Variants in TFAP2D observed in about 807,000 individuals in gnomAD.
TFAP2D encodes transcription factor AP-2 delta.
TFAP2D carries 9 observed loss-of-function variants against 43.6 expected under a neutral mutation model. The observed-to-expected ratio is 0.21, with a 90% CI of 0.12 to 0.36. The LOEUF is 0.36. Among genes scored for constraint, TFAP2D ranks in the 10% least tolerant of loss-of-function variants. The probability of loss-of-function intolerance (pLI) is 1.00; values close to 1 mark genes in which losing one functional copy is unlikely to be tolerated. For synonymous variants in TFAP2D, 256 were observed against 224.9 expected (o/e 1.14, Z -1.24); for missense variants, 513 against 561.4 (o/e 0.91, Z 0.87).
At chr6:50,757,369 T>G (rs1446689768) in intron 7 of TFAP2D, among the ~76,000 whole-genome samples, 3 of 136,558 alleles carry the variant, frequency 2.2e-5, no homozygotes, top group African/African-American at 5.4e-5. Context: ...ATTCTATATA[T>G]AGAATACATG....
chr6:50,768,200 G>A (rs1769470212), intron 7 of TFAP2D, among the ~76,000 whole-genome samples: 1 of 150,404 alleles, frequency 6.6e-6, no homozygotes, highest in South Asian at 2.1e-4. Context: ...TTACCTTGCA[G>A]GTGACCTTAG....
chr6:50,754,740 CT>C (rs1245360527), intron 7 of TFAP2D, among the ~76,000 whole-genome samples: 2 of 151,836 alleles, frequency 1.3e-5, no homozygotes, highest in African/African-American at 2.4e-5. Context: ...TGTTGAACAT[CT>C]TTTCATATGC....
intron 5 of TFAP2D, among the ~76,000 whole-genome samples, chr6:50,735,094 T>C (rs1003961016): frequency 6.6e-6 from 1 of 152,064 alleles, no homozygotes; most frequent in African/African-American, 2.4e-5. Flanking sequence ...GTTGCAAGGG[T>C]TAAATCAGAA....
At chr6:50,718,130 TTTC>T (rs911629538) in intron 2 of TFAP2D, 4 of 152,022 alleles carry the variant, frequency 2.6e-5, no homozygotes, top group African/African-American at 9.7e-5. Flanking sequence ...GTTTTTTTTT[TTTC>T]ATATTGATTT....
At chr6:50,715,871 G>T (rs1381621809) in intron 2 of TFAP2D, among the ~76,000 whole-genome samples, 1 of 152,098 alleles carries the variant, frequency 6.6e-6, no homozygotes. Flanking sequence ...GGAAGTGCGG[G>T]AGTCCGGGCG....
At position 50,713,952 on chromosome 6, in the gene TFAP2D, T is replaced by G. The variant is rs1768570447; in HGVS notation, c.-104T>G. The G allele has an allele frequency of 1.9e-6, 3 of 1,538,466 alleles. No individual in the cohort carries two copies. Among genetic ancestry groups the G allele is most frequent in the Non-Finnish European group, 2.7e-6 (3 of 1,116,106 alleles). On this transcript the variant is annotated 5_prime_UTR_variant, in exon 1 of 8. Transcript: ENST00000008391. The stretch of plus-strand genomic sequence containing the variant: ...TAGATATCTACCTATAGAACATTTT[T>G]TTTTTCCTTTAAAAATTGGAAAATA...
Position 50,729,231 on chromosome 6 carries a change from A to G in TFAP2D, c.802A>G (p.Lys268Glu). 6.2e-7 allele frequency: 1 copy of G among 1,614,014 alleles called. No individual in the cohort carries two copies. The highest frequency in any genetic ancestry group is 8.5e-7 in the Non-Finnish European group (1 of 1,179,878). ...SKNGGRCLRE[K>E]LDRLGLNLPA... is the part of the protein sequence containing the mutation. ...GAATGGGGGCCGCTGCCTGAGAGAG[A>G]AATTGGATAGGCTTGGCTTAAACTT... Residue 268 changes from lysine to glutamate, a missense_variant, in exon 5 of 8, where the codon AAA becomes GAA. By Grantham distance (56) the Lys-to-Glu change is moderately conservative. Coordinates refer to ENST00000008391, the MANE Select transcript of TFAP2D (RefSeq NM_172238.4).
chr6:50,738,130 A>G (rs1253428072), intron 5 of TFAP2D, among the ~76,000 whole-genome samples: 1 of 152,070 alleles, frequency 6.6e-6, no homozygotes, highest in African/African-American at 2.4e-5. Flanking sequence ...TGATTGACTA[A>G]AAAAACCCTC....
chr6:50,719,890 C>G (rs548358428), intron 3 of TFAP2D, among the ~76,000 whole-genome samples: 11 of 152,192 alleles, frequency 7.2e-5, no homozygotes, highest in African/African-American at 2.6e-4. Flanking sequence ...GCTTTCAGCT[C>G]GGGCACTAAA....
chr6:50,760,280 T>C (rs113560661), intron 7 of TFAP2D, among the ~76,000 whole-genome samples: 40 of 152,150 alleles, frequency 2.6e-4, no homozygotes, highest in Middle Eastern at 3.4e-3. Flanking sequence ...ACATAATAGT[T>C]AGGCATTATT....
intron 3 of TFAP2D, among the ~76,000 whole-genome samples, chr6:50,720,487 AC>A (rs1768702202): frequency 2.9e-3 from 3 of 1,030 alleles, no homozygotes; most frequent in African/African-American, 5.8e-3. Flanking sequence ...GGAGATTAAA[AC>A]ACACACACAC....
chr6:50,741,483 T>C (rs890563587), intron 5 of TFAP2D, among the ~76,000 whole-genome samples: 3 of 152,246 alleles, frequency 2.0e-5, no homozygotes, highest in African/African-American at 7.2e-5. Flanking sequence ...CTCCTTTCTA[T>C]GTGTCCATGT....
chr6:50,719,061 G>A (rs2114029223), intron 2 of TFAP2D, 29 bp from the exon 3 acceptor site: 1 of 1,610,150 alleles, frequency 6.2e-7, no homozygotes, highest in East Asian at 2.2e-5. Context: ...ATCCATTTAA[G>A]TAATTTTATT....
At chr6:50,750,007 G>C (rs1769179637) in intron 6 of TFAP2D, among the ~76,000 whole-genome samples, 1 of 151,824 alleles carries the variant, frequency 6.6e-6, no homozygotes, top group African/African-American at 2.4e-5. Context: ...CATTAAACCA[G>C]ACCCTCATTG....
chr6:50,715,082 T>A lies in TFAP2D; in HGVS notation c.40-34T>A, dbSNP rs754189924. 9 of 1,594,092 alleles carry A rather than the reference T, an allele frequency of 5.6e-6. No individual in the cohort carries two copies. In the East Asian group the frequency reaches 1.1e-4, roughly 20 times the overall value. On this transcript the variant is annotated intron_variant, in intron 1 of 7. Coordinates refer to ENST00000008391, the MANE Select transcript of TFAP2D (RefSeq NM_172238.4). The stretch of plus-strand genomic sequence containing the variant: ...GTTGCAAAATGACAAACCTCAAGTT[T>A]TTCTGCTCTCCCTTTTCCCCCTCTT...
intron 7 of TFAP2D, among the ~76,000 whole-genome samples, chr6:50,757,255 T>TTATTCTATATA (rs1235849796): frequency 4.8e-5 from 7 of 146,436 alleles, no homozygotes; most frequent in Non-Finnish European, 1.0e-4. Context: ...ATATATATAA[T>TTATTCTATATA]TATTCTATAT....
At chr6:50,764,635 A>C (rs1483363705) in intron 7 of TFAP2D, among the ~76,000 whole-genome samples, 1 of 152,212 alleles carries the variant, frequency 6.6e-6, no homozygotes, top group Non-Finnish European at 1.5e-5. Context: ...ATATCACTGC[A>C]GAAACTGGTG....
intron 3 of TFAP2D, among the ~76,000 whole-genome samples, chr6:50,719,403 A>G (rs372037077): frequency 6.6e-6 from 1 of 152,060 alleles, no homozygotes; most frequent in Non-Finnish European, 1.5e-5. Flanking sequence ...ACAGTGACAG[A>G]ATCAAAGTTA....
chr6:50,719,164 A>G lies in TFAP2D; in HGVS notation c.598+14A>G. 1 of 1,611,982 alleles carries G rather than the reference A, an allele frequency of 6.2e-7. No homozygotes were observed. Among genetic ancestry groups the G allele is most frequent in the Non-Finnish European group, 8.5e-7 (1 of 1,178,376 alleles). On this transcript the variant is annotated intron_variant, in intron 3 of 7. Coordinates refer to ENST00000008391, the MANE Select transcript of TFAP2D (RefSeq NM_172238.4). ...TGATAAGAAGAGGTAAGTAACAAGT[A>G]ACAACATGTTAACCCTAGACATTCT...
Sources: gnomAD v4.1 joint callset for allele counts (sites outside exome capture counted in the v4.1 genomes callset) on GRCh38, gnomAD v4.1.1 for gene constraint, MANE v1.5 for transcripts, NCBI Gene and HGNC (gene_info 2026-07-23, HGNC 2026-07-21) for gene names.